The following KDELR2 variants were observed in gnomAD, a reference collection of about 807,000 sequenced individuals.
The protein encoded by KDELR2 is KDEL endoplasmic reticulum protein retention receptor 2, also known as ER lumen protein-retaining receptor 2.
KDELR2 carries 15 observed loss-of-function variants against 23.9 expected under a neutral mutation model. That is an observed-to-expected ratio of 0.63 (90% CI 0.42 to 0.97). KDELR2 has a LOEUF of 0.97. KDELR2 is among the 50% of genes least tolerant of loss of function. KDELR2 has a pLI of 0.00. For synonymous variants in KDELR2, 119 were observed against 106.2 expected, an observed-to-expected ratio of 1.12 and a Z score of -0.74; for missense variants, 272 against 254.6, an observed-to-expected ratio of 1.07 and a Z score of -0.46.
intron 1 of KDELR2, among the ~76,000 whole-genome samples, chr7:6,480,229 G>A (rs993876827): frequency 6.6e-6 from 1 of 152,182 alleles, no homozygotes; most frequent in Admixed American, 6.5e-5. Flanking sequence ...AATAGACACA[G>A]CACTACAGTA....
chr7:6,483,605 G>T (rs1785957791), intron 1 of KDELR2, among the ~76,000 whole-genome samples: 1 of 152,208 alleles, frequency 6.6e-6, no homozygotes, highest in South Asian at 2.1e-4. Context: ...CCCCACGGGA[G>T]ATCCCGGCCG....
At chr7:6,464,811 C>T (rs1336035362) in intron 4 of KDELR2, among the ~76,000 whole-genome samples, 2 of 147,326 alleles carry the variant, frequency 1.4e-5, no homozygotes, top group African/African-American at 5.0e-5. Flanking sequence ...TATCAGCTCA[C>T]TGCAACCTCT....
In KDELR2 at chr7:6,473,480, C is replaced by T. The variant is rs560761919; in HGVS notation, c.192+704G>A. On this transcript the variant is annotated intron_variant, in intron 2 of 4. Coordinates refer to ENST00000258739, the MANE Select transcript of KDELR2 (RefSeq NM_006854.4). ...TGGGGTGTGTGCCACCAGTGCTACA[C>T]AAAGTGTTAGGTGGTGTGCAAACAT... Among the ~76,000 whole-genome samples the T allele has an allele frequency of 9.9e-5, 15 of 152,220 alleles. No homozygotes were observed. The South Asian group carries it at 2.9e-3, about 29-fold the overall frequency.
intron 1 of KDELR2, among the ~76,000 whole-genome samples, chr7:6,476,916 T>C (rs1785766630): frequency 6.6e-6 from 1 of 152,226 alleles, no homozygotes; most frequent in Admixed American, 6.5e-5. Flanking sequence ...TCATGCCTTA[T>C]TCCATCTTGT....
chr7:6,470,890 G>A (rs927394424), intron 2 of KDELR2, among the ~76,000 whole-genome samples: 2 of 151,942 alleles, frequency 1.3e-5, no homozygotes, highest in Admixed American at 6.6e-5. Context: ...CGAGGCAGGC[G>A]GATCATGAGG....
intron 2 of KDELR2, 143 bp downstream of exon 2, chr7:6,474,041 C>G: frequency 1.7e-6 from 1 of 573,142 alleles, no homozygotes. Context: ...ACAAGGTGGT[C>G]TGAAAGTTTT....
chr7:6,483,855 T>A (rs1197374955), intron 1 of KDELR2, 112 bp downstream of exon 1: 10 of 805,516 alleles, frequency 1.2e-5, no homozygotes, highest in African/African-American at 3.7e-5. Context: ...GCCGAGGGGG[T>A]GTGTCGGGCC....
intron 3 of KDELR2, among the ~76,000 whole-genome samples, chr7:6,468,052 C>G (rs1426141618): frequency 6.6e-6 from 1 of 152,182 alleles, no homozygotes. Context: ...CTTGTTCTTC[C>G]CACACTGGGA....
chr7:6,470,013 T>C, intron 2 of KDELR2: 1 of 299,830 alleles, frequency 3.3e-6, no homozygotes, highest in Non-Finnish European at 6.2e-6. Context: ...GCAGTCAAAC[T>C]CCCCCAGGCT....
At chr7:6,474,099 T>G in intron 2 of KDELR2, 85 bp downstream of exon 2, 1 of 827,090 alleles carries the variant, frequency 1.2e-6, no homozygotes, top group Non-Finnish European at 2.0e-6. Context: ...GCATTTTAAT[T>G]AAAAATACAC....
Position 6,484,024 on chromosome 7 carries a change from G to C in KDELR2, c.34C>G (p.His12Asp), listed in dbSNP as rs1785976222. The part of the protein sequence containing the change: ...NIFRLTGDLS[H>D]LAAIVILLLK... ...AGCAGGATGACGATGGCCGCCAGGT[G>C]GGACAGGTCCCCAGTCAGCCGGAAA... Residue 12 changes from histidine to aspartate, a missense_variant, in exon 1 of 5, where the codon CAC (histidine) becomes GAC (aspartate). Physicochemically the swap from His to Asp is moderately conservative, Grantham distance 81 (BLOSUM62 -1). Transcript: ENST00000258739. 3.3e-6 allele frequency: 5 copies of C among 1,526,574 alleles called. No homozygotes were observed. Among genetic ancestry groups the C allele is most frequent in the Non-Finnish European group, 4.4e-6 (5 of 1,134,404 alleles). The allele number at this position is 1,526,574 out of a possible 1,614,324, so 94.6% of individuals were successfully genotyped here.
chr7:6,466,050 C>G, intron 4 of KDELR2, 21 bp downstream of exon 4: 1 of 1,611,292 alleles, frequency 6.2e-7, no homozygotes, highest in Non-Finnish European at 8.5e-7. Flanking sequence ...CTAGAAACAA[C>G]GCAGGTCGCA....
At chr7:6,467,211 C>T (rs1362346678) in intron 3 of KDELR2, among the ~76,000 whole-genome samples, 1 of 152,170 alleles carries the variant, frequency 6.6e-6, no homozygotes, top group Non-Finnish European at 1.5e-5. Flanking sequence ...CCAAATCAAC[C>T]CTGCTTTCCG....
chr7:6,466,389 T>C, intron 3 of KDELR2, 66 bp from the exon 4 acceptor site: 1 of 1,571,362 alleles, frequency 6.4e-7, no homozygotes, highest in Non-Finnish European at 8.6e-7. Context: ...GGAAACACTC[T>C]TGCTTTCTTT....
Position 6,466,150 on chromosome 7 carries a change from GAAGCCCTC to G in KDELR2, c.517_524del (p.Glu173LeufsTer2). 1 of 1,614,166 alleles carries G rather than the reference GAAGCCCTC, an allele frequency of 6.2e-7. No homozygotes were observed. Among genetic ancestry groups the G allele is most frequent in the Non-Finnish European group, 8.5e-7 (1 of 1,180,016 alleles). On this transcript the variant is annotated frameshift_variant, in exon 4 of 5. Coordinates refer to ENST00000258739, the MANE Select transcript of KDELR2 (RefSeq NM_006854.4). LOFTEE classifies it high-confidence loss of function. Reference sequence around the variant, plus strand: ...CGGCCACCACAGCAATGAGGTCAAAGAAGCCCTCAAAGTAGAAGCGCCAGATCCAGTTG... The same window carrying G: ...CGGCCACCACAGCAATGAGGTCAAAGAAAGTAGAAGCGCCAGATCCAGTTG...
intron 1 of KDELR2, among the ~76,000 whole-genome samples, chr7:6,480,676 C>T (rs1014255351): frequency 6.6e-6 from 1 of 152,166 alleles, no homozygotes; most frequent in East Asian, 1.9e-4. Context: ...TAAAAATGAA[C>T]CTTGGTATGA....
chr7:6,481,989 A>C (rs1426901489), intron 1 of KDELR2, among the ~76,000 whole-genome samples: 1 of 18,258 alleles, frequency 5.5e-5, no homozygotes, highest in Non-Finnish European at 1.5e-4. Context: ...TTATTTATTT[A>C]TTTATTTATT....
rs1583313342 is a variant in KDELR2 at position 6,461,976 on chromosome 7, T to A, written c.*1165A>T. The A allele has an allele frequency of 6.6e-6, 1 of 151,998 alleles. No homozygotes were observed. The highest frequency in any genetic ancestry group is 6.6e-5 in the Admixed American group (1 of 15,220). 9.4% of individuals were successfully genotyped at this position (151,998 alleles called of 1,614,324 possible). On this transcript the variant is annotated 3_prime_UTR_variant, in exon 5 of 5. Coordinates refer to ENST00000258739, the MANE Select transcript of KDELR2 (RefSeq NM_006854.4). Reference sequence around the variant, plus strand: ...TGTTGCCAATTGAAAAACAAAAAAATCCCAACACAGGATGTTCAAAAAGCC... The same window carrying A: ...TGTTGCCAATTGAAAAACAAAAAAAACCCAACACAGGATGTTCAAAAAGCC...
chr7:6,475,979 A>ACAG (rs1785742798), intron 1 of KDELR2, among the ~76,000 whole-genome samples: 1 of 152,140 alleles, frequency 6.6e-6, no homozygotes, highest in Admixed American at 6.5e-5. Flanking sequence ...TGGCACAAGT[A>ACAG]CAGCCCACTG....
Sources: allele counts gnomAD v4.1 joint callset (sites outside exome capture counted in the v4.1 genomes callset), GRCh38; gene constraint gnomAD v4.1.1; transcripts MANE v1.5; gene names NCBI Gene and HGNC (gene_info 2026-07-23, HGNC 2026-07-21).